The following EIPR1 variants were observed in gnomAD, a reference collection of about 807,000 sequenced individuals.
EIPR1 encodes the protein EARP complex and GARP complex interacting protein 1.
Under a neutral mutation model 48.1 loss-of-function variants are expected in EIPR1, and 25 were observed. That is an observed-to-expected ratio of 0.52 (90% CI 0.38 to 0.73). EIPR1 has a LOEUF of 0.73. Ranked by LOEUF, EIPR1 falls within the 30% of genes least tolerant of loss-of-function variation. EIPR1 has a pLI of 0.00. For missense variants in EIPR1, 415 were observed against 506.2 expected, an observed-to-expected ratio of 0.82 and a Z score of 1.73; for synonymous variants, 204 against 201.9, an observed-to-expected ratio of 1.01 and a Z score of -0.09.
At chr2:3,257,904 C>T (rs892821424) in intron 3 of EIPR1, among the ~76,000 whole-genome samples, 3 of 152,170 alleles carry the variant, frequency 2.0e-5, no homozygotes, top group Non-Finnish European at 4.4e-5. Flanking sequence ...AGCGATATTC[C>T]ATTCGGAAAT....
chr2:3,254,984 T>C (rs1238776492), intron 4 of EIPR1, among the ~76,000 whole-genome samples: 1 of 152,294 alleles, frequency 6.6e-6, no homozygotes, highest in East Asian at 1.9e-4. Context: ...GATCTCTCTG[T>C]TACTCCTATA....
chr2:3,263,533 A>T (rs1020500363), intron 3 of EIPR1, among the ~76,000 whole-genome samples: 6 of 152,210 alleles, frequency 3.9e-5, no homozygotes, highest in African/African-American at 1.4e-4. Flanking sequence ...ACAGAACTGC[A>T]CTATACAACA....
intron 2 of EIPR1, among the ~76,000 whole-genome samples, chr2:3,339,843 G>T (rs1055929720): frequency 1.3e-5 from 2 of 152,168 alleles, no homozygotes; most frequent in Non-Finnish European, 2.9e-5. Context: ...CCAGCTACTC[G>T]GGAGGCTGAG....
chr2:3,250,784 T>C (rs747197938), intron 4 of EIPR1, among the ~76,000 whole-genome samples: 4 of 152,176 alleles, frequency 2.6e-5, no homozygotes, highest in East Asian at 1.9e-4. Flanking sequence ...GATTCGCTTG[T>C]TTAAAAGAGT....
chr2:3,346,878 T>C (rs538496254), intron 2 of EIPR1, among the ~76,000 whole-genome samples: 8 of 152,336 alleles, frequency 5.3e-5, no homozygotes, highest in Admixed American at 5.2e-4. Flanking sequence ...CTGACATAGT[T>C]TGGAAATTTG....
intron 3 of EIPR1, among the ~76,000 whole-genome samples, chr2:3,277,629 G>T (rs995059390): frequency 4.6e-5 from 7 of 152,202 alleles, no homozygotes; most frequent in Non-Finnish European, 1.0e-4. Flanking sequence ...CATTAATTAA[G>T]TGACCCACCT....
At chr2:3,364,414 G>A (rs62119524) in intron 1 of EIPR1, among the ~76,000 whole-genome samples, 24,630 of 152,050 alleles carry the variant, frequency 0.16, 2,226 homozygotes, top group Non-Finnish European at 0.21. Flanking sequence ...AGGATTGCTT[G>A]AGCTCAGGAG....
chr2:3,274,118 A>C (rs1196090791), intron 3 of EIPR1, among the ~76,000 whole-genome samples: 1 of 152,228 alleles, frequency 6.6e-6, no homozygotes, highest in Admixed American at 6.5e-5. Context: ...AGGACACAGC[A>C]GAGACTGCAG....
At chr2:3,282,165 G>A (rs558310197) in intron 3 of EIPR1, among the ~76,000 whole-genome samples, 14 of 152,346 alleles carry the variant, frequency 9.2e-5, no homozygotes, top group African/African-American at 3.1e-4. Context: ...GCCAACAGGA[G>A]AGCCAAGTCA....
At chr2:3,206,758 T>C (rs2103123437) in intron 5 of EIPR1, among the ~76,000 whole-genome samples, 1 of 152,272 alleles carries the variant, frequency 6.6e-6, no homozygotes, top group Non-Finnish European at 1.5e-5. Flanking sequence ...TATTTTTTTT[T>C]TACCAAGATA....
chr2:3,229,744 C>G (rs1184233913), intron 4 of EIPR1, among the ~76,000 whole-genome samples: 3 of 152,162 alleles, frequency 2.0e-5, no homozygotes, highest in African/African-American at 7.2e-5. Flanking sequence ...TTATGCGGTG[C>G]TTTTCTATTT....
chr2:3,354,757 G>T, intron 1 of EIPR1, 124 bp from the exon 2 acceptor site: 1 of 1,029,146 alleles, frequency 9.7e-7, no homozygotes, highest in Non-Finnish European at 1.4e-6. Flanking sequence ...AGTACAGAGT[G>T]TCTGGAAAGC....
At chr2:3,360,891 C>T (rs1418557282) in intron 1 of EIPR1, among the ~76,000 whole-genome samples, 2 of 151,314 alleles carry the variant, frequency 1.3e-5, no homozygotes, top group African/African-American at 4.9e-5. Context: ...CCAGGATGAC[C>T]CTCAGGAAGA....
Position 3,353,800 on chromosome 2 carries a change from A to G in EIPR1, c.126+750T>C, listed in dbSNP as rs969111145. Among the ~76,000 whole-genome samples the G allele has an allele frequency of 2.0e-5, 3 of 152,090 alleles. No individual in the cohort carries two copies. The East Asian group carries it at 5.8e-4, about 29-fold the overall frequency. ...GAGAGTGACAGTTTCACTACATCCT[A>G]TCCAGGCCTGCGTATTCTTCGACAG... On this transcript the variant is annotated intron_variant, in intron 2 of 8. Coordinates refer to ENST00000382125, the MANE Select transcript of EIPR1 (RefSeq NM_003310.5).
chr2:3,314,356 G>T (rs369079459), intron 3 of EIPR1, among the ~76,000 whole-genome samples: 1 of 152,054 alleles, frequency 6.6e-6, no homozygotes, highest in Non-Finnish European at 1.5e-5. Flanking sequence ...TATACAGCAG[G>T]CTTCACAGTC....
intron 3 of EIPR1, among the ~76,000 whole-genome samples, chr2:3,300,656 AAAAG>A (rs1668737474): frequency 1.3e-5 from 2 of 152,212 alleles, no homozygotes; most frequent in South Asian, 4.1e-4. Context: ...ATGAAAAAAA[AAAAG>A]AATCAACCAA....
chr2:3,299,048 T>A (rs762568042), intron 3 of EIPR1, among the ~76,000 whole-genome samples: 1 of 152,176 alleles, frequency 6.6e-6, no homozygotes, highest in Non-Finnish European at 1.5e-5. Context: ...AGCCCCACCA[T>A]AGCACTATTA....
intron 3 of EIPR1, among the ~76,000 whole-genome samples, chr2:3,266,062 C>A (rs368358237): frequency 3.3e-5 from 5 of 152,330 alleles, no homozygotes; most frequent in African/African-American, 7.2e-5. Flanking sequence ...GGCATATTCG[C>A]GACTGCCAAC....
chr2:3,342,583 C>T (rs939079043), intron 2 of EIPR1, among the ~76,000 whole-genome samples: 3 of 152,266 alleles, frequency 2.0e-5, no homozygotes, highest in African/African-American at 4.8e-5. Context: ...CTCCTGCCTC[C>T]ACCTGGGCCC....
Sources: allele counts gnomAD v4.1 joint callset (sites outside exome capture counted in the v4.1 genomes callset), GRCh38; gene constraint gnomAD v4.1.1; transcripts MANE v1.5; gene names NCBI Gene and HGNC (gene_info 2026-07-23, HGNC 2026-07-21).